Variants in LRRC7 observed in about 807,000 individuals in gnomAD.
The protein encoded by LRRC7 is leucine rich repeat containing 7, also known as leucine-rich repeat-containing protein 7.
A neutral mutation model predicts 175.7 loss-of-function variants in LRRC7; 23 were observed. The observed-to-expected ratio is 0.13, with a 90% CI of 0.09 to 0.19. LRRC7 has a LOEUF of 0.19. LRRC7 is among the 10% of genes least tolerant of loss of function. The pLI is 1.00. For synonymous variants in LRRC7, 685 were observed against 680.9 expected, an observed-to-expected ratio of 1.01 and a Z score of -0.09; for missense variants, 1,354 against 1,904.7, an observed-to-expected ratio of 0.71 and a Z score of 5.38.
At chr1:69,971,768 C>A (rs1439588488) in intron 8 of LRRC7, among the ~76,000 whole-genome samples, 4 of 152,086 alleles carry the variant, frequency 2.6e-5, no homozygotes, top group Admixed American at 2.0e-4. Context: ...TTAGAAAAAA[C>A]AATCCTAAAA....
intron 7 of LRRC7, among the ~76,000 whole-genome samples, chr1:69,863,142 A>G (rs907017268): frequency 5.9e-5 from 9 of 152,124 alleles, no homozygotes; most frequent in South Asian, 2.1e-4. Flanking sequence ...AGTTCTGTCA[A>G]ATCTGTCTAT....
At chr1:69,590,971 C>T (rs562161572) in intron 1 of LRRC7, among the ~76,000 whole-genome samples, 98 of 152,018 alleles carry the variant, frequency 6.4e-4, no homozygotes, top group Non-Finnish European at 1.2e-3. Context: ...ATTATTATTA[C>T]TATTATTGAG....
intron 10 of LRRC7, among the ~76,000 whole-genome samples, chr1:69,991,712 C>T (rs1654457484): frequency 6.6e-6 from 1 of 152,140 alleles, no homozygotes; most frequent in Non-Finnish European, 1.5e-5. Context: ...TAAGAATCTT[C>T]ATAGTATTAA....
At chr1:69,990,510 G>A (rs988910190) in intron 10 of LRRC7, among the ~76,000 whole-genome samples, 2 of 151,954 alleles carry the variant, frequency 1.3e-5, no homozygotes, top group Non-Finnish European at 2.9e-5. Context: ...CTGTAAAGAG[G>A]AATCTTTTAT....
At chr1:69,797,109 G>C (rs112764279) in intron 4 of LRRC7, among the ~76,000 whole-genome samples, 95 of 152,180 alleles carry the variant, frequency 6.2e-4, no homozygotes, top group African/African-American at 2.2e-3. Context: ...GAATTATATA[G>C]AGACATTCTT....
intron 1 of LRRC7, among the ~76,000 whole-genome samples, chr1:69,634,771 C>T (rs1448056210): frequency 6.6e-6 from 1 of 152,024 alleles, no homozygotes; most frequent in Non-Finnish European, 1.5e-5. Context: ...GGCATCTCAG[C>T]TTCTGGGATG....
intron 2 of LRRC7, among the ~76,000 whole-genome samples, chr1:69,748,162 G>A (rs965767379): frequency 2.0e-5 from 3 of 152,108 alleles, no homozygotes; most frequent in Non-Finnish European, 2.9e-5. Context: ...TAAGTATCCC[G>A]AAGGCACAAG....
At chr1:70,009,261 T>C (rs1247653411) in intron 11 of LRRC7, among the ~76,000 whole-genome samples, 2 of 152,058 alleles carry the variant, frequency 1.3e-5, no homozygotes, top group Non-Finnish European at 2.9e-5. Flanking sequence ...AAACTATTGA[T>C]AGAGACCTCT....
chr1:69,947,136 T>TC (rs1649418508), intron 8 of LRRC7, among the ~76,000 whole-genome samples: 2 of 151,590 alleles, frequency 1.3e-5, no homozygotes, highest in African/African-American at 4.8e-5. Context: ...AATAAATAAA[T>TC]AAATAAATAA....
chr1:69,882,569 T>C (rs1296772395), intron 7 of LRRC7, among the ~76,000 whole-genome samples: 1 of 151,914 alleles, frequency 6.6e-6, no homozygotes, highest in Non-Finnish European at 1.5e-5. Flanking sequence ...ACAGAGATTC[T>C]ACCATTTGTA....
intron 2 of LRRC7, among the ~76,000 whole-genome samples, chr1:69,718,847 A>G (rs1160710507): frequency 6.6e-6 from 1 of 151,824 alleles, no homozygotes; most frequent in Non-Finnish European, 1.5e-5. Flanking sequence ...TGATTGAGGG[A>G]AAAAAAGCTT....
intron 7 of LRRC7, among the ~76,000 whole-genome samples, chr1:69,909,161 G>T (rs1412291004): frequency 6.6e-6 from 1 of 152,032 alleles, no homozygotes; most frequent in African/African-American, 2.4e-5. Flanking sequence ...GCCTATGTGT[G>T]TCTCTGCACG....
At chr1:69,688,644 T>A (rs78598239) in intron 2 of LRRC7, among the ~76,000 whole-genome samples, 20,822 of 138,940 alleles carry the variant, frequency 0.15, 1,567 homozygotes, top group Middle Eastern at 0.21. Flanking sequence ...TTTTTTTTTT[T>A]TAAAAAAAAC....
intron 24 of LRRC7, among the ~76,000 whole-genome samples, chr1:70,076,521 A>T (rs1246054860): frequency 6.6e-6 from 1 of 152,176 alleles, no homozygotes; most frequent in African/African-American, 2.4e-5. Context: ...AAAAGGAAAA[A>T]TTGATGGGGC....
At chr1:69,952,115 TAAC>T (rs1237950010) in intron 8 of LRRC7, among the ~76,000 whole-genome samples, 1 of 151,822 alleles carries the variant, frequency 6.6e-6, no homozygotes, top group Non-Finnish European at 1.5e-5. Flanking sequence ...GAAAATAACA[TAAC>T]AAATACATAA....
intron 4 of LRRC7, among the ~76,000 whole-genome samples, chr1:69,822,648 T>C (rs1451348782): frequency 6.6e-6 from 1 of 152,174 alleles, no homozygotes; most frequent in Non-Finnish European, 1.5e-5. Flanking sequence ...ACTCACTATA[T>C]TTTTACTTTC....
Position 70,133,826 on chromosome 1 carries a change from T to G in LRRC7, c.*11939T>G, listed in dbSNP as rs757658705. ...AACTTGTGTTTTCCAAATATTTTGC[T>G]CCTATCTCCCATTATTTTAGCCACA... On this transcript the variant is annotated 3_prime_UTR_variant, in exon 27 of 27. Coordinates refer to ENST00000651989, the MANE Select transcript of LRRC7 (RefSeq NM_001370785.2). 2.0e-4 allele frequency among the ~76,000 whole-genome samples: 30 copies of G among 152,334 alleles called. No individual in the cohort carries two copies. Among genetic ancestry groups the G allele is most frequent in the Middle Eastern group, 6.8e-3 (2 of 294 alleles).
intron 7 of LRRC7, among the ~76,000 whole-genome samples, chr1:69,886,986 C>T (rs913971725): frequency 5.9e-5 from 9 of 151,940 alleles, no homozygotes; most frequent in South Asian, 2.1e-4. Context: ...CCGAGAGATC[C>T]GCTGTTAGTC....
Position 69,568,489 on chromosome 1 carries a change from G to C in LRRC7, c.-151G>C, listed in dbSNP as rs1646413475. On this transcript the variant is annotated 5_prime_UTR_variant, in exon 1 of 27. Coordinates refer to ENST00000651989, the MANE Select transcript of LRRC7 (RefSeq NM_001370785.2). ...CTTCCTGGATTCCCCTCTATCTCCTGTTCTTCCTACCTTCTACTCCTTCCC... is the reference window on the plus strand; with the variant it reads ...CTTCCTGGATTCCCCTCTATCTCCTCTTCTTCCTACCTTCTACTCCTTCCC... 1 of 570,788 alleles carries C rather than the reference G, an allele frequency of 1.8e-6. No individual in the cohort carries two copies. The highest frequency in any genetic ancestry group is 2.7e-6 in the Non-Finnish European group (1 of 366,008). The allele number at this position is 570,788 out of a possible 1,614,324, so 35.4% of individuals were successfully genotyped here.
Sources: gnomAD v4.1 joint callset for allele counts (sites outside exome capture counted in the v4.1 genomes callset) on GRCh38, gnomAD v4.1.1 for gene constraint, MANE v1.5 for transcripts, NCBI Gene and HGNC (gene_info 2026-07-23, HGNC 2026-07-21) for gene names.